KCNH7: variants seen among roughly 807,000 people sequenced by gnomAD.
KCNH7 encodes the protein voltage-gated inwardly rectifying potassium channel KCNH7.
KCNH7 carries 49 observed loss-of-function variants against 120.8 expected under a neutral mutation model. The observed-to-expected ratio is 0.41, with a 90% CI of 0.32 to 0.51. The LOEUF (loss-of-function observed/expected upper bound fraction) is 0.51. KCNH7 is among the 20% of genes least tolerant of loss of function. The probability of loss-of-function intolerance (pLI) is 0.38; values close to 1 mark genes in which losing one functional copy is unlikely to be tolerated. For synonymous variants in KCNH7, 547 were observed against 516.1 expected (o/e 1.06, Z -0.81); for missense variants, 1,097 against 1,446.6 (o/e 0.76, Z 3.92).
At chr2:162,760,038 A>T (rs1301373400) in intron 2 of KCNH7, among the ~76,000 whole-genome samples, 2 of 152,148 alleles carry the variant, frequency 1.3e-5, no homozygotes, top group Admixed American at 1.3e-4. Flanking sequence ...TAGTATTTTC[A>T]CTATGTTAAC....
intron 12 of KCNH7, among the ~76,000 whole-genome samples, chr2:162,392,293 CATGTGTGTGT>C (rs1353149455): frequency 6.6e-6 from 1 of 150,730 alleles, no homozygotes; most frequent in African/African-American, 2.4e-5. Context: ...TGTGTGTGCG[CATGTGTGTGT>C]ATGTGTGTGT....
chr2:162,498,649 T>TA (rs1202367177), intron 6 of KCNH7, among the ~76,000 whole-genome samples: 1 of 152,090 alleles, frequency 6.6e-6, no homozygotes, highest in African/African-American at 2.4e-5. Context: ...GTCAAGGGAC[T>TA]ATACTTTTTC....
Position 162,757,906 on chromosome 2 carries a change from G to A in KCNH7, c.307+78631C>T, listed in dbSNP as rs531354890. ...TCCAATTCATATGAGTCACTACCAT[G>A]CACAACTGAGATATATTCCTTATTC... On this transcript the variant is annotated intron_variant, in intron 2 of 15. Transcript: ENST00000332142. 2.6e-5 allele frequency among the ~76,000 whole-genome samples: 4 copies of A among 152,184 alleles called. No homozygotes were observed. In the South Asian group the frequency reaches 8.3e-4, roughly 32 times the overall value.
intron 2 of KCNH7, among the ~76,000 whole-genome samples, chr2:162,630,376 T>C (rs1189549716): frequency 1.3e-5 from 2 of 151,800 alleles, no homozygotes; most frequent in Non-Finnish European, 1.5e-5. Context: ...GGAAAAGATA[T>C]GGAGTTAGAT....
At chr2:162,723,663 T>C (rs1172358534) in intron 2 of KCNH7, among the ~76,000 whole-genome samples, 1 of 152,256 alleles carries the variant, frequency 6.6e-6, no homozygotes, top group Non-Finnish European at 1.5e-5. Context: ...TCAATCTTTA[T>C]ACTTCAGTTT....
intron 2 of KCNH7, among the ~76,000 whole-genome samples, chr2:162,567,495 G>A (rs1693296487): frequency 6.6e-6 from 1 of 151,876 alleles, no homozygotes; most frequent in Non-Finnish European, 1.5e-5. Flanking sequence ...TTTTCAATTT[G>A]CATTTTTCCC....
intron 2 of KCNH7, among the ~76,000 whole-genome samples, chr2:162,580,885 A>C (rs1380517330): frequency 1.3e-5 from 2 of 152,104 alleles, no homozygotes; most frequent in Non-Finnish European, 2.9e-5. Context: ...AGATAGAAAT[A>C]GTCCCCAGAT....
intron 2 of KCNH7, among the ~76,000 whole-genome samples, chr2:162,816,710 G>A (rs184920032): frequency 1.6e-3 from 239 of 152,284 alleles, no homozygotes; most frequent in Admixed American, 2.4e-3. Flanking sequence ...GTTTGTTTGA[G>A]ATGTTGCTAA....
rs977908493 is a variant in KCNH7, at chr2:162,762,583, A to C, written c.307+73954T>G. 8.5e-5 allele frequency among the ~76,000 whole-genome samples: 13 copies of C among 152,152 alleles called. 1 individual carries two copies. In the East Asian group the frequency reaches 2.3e-3, roughly 27 times the overall value. On this transcript the variant is annotated intron_variant, in intron 2 of 15. Coordinates refer to ENST00000332142, the MANE Select transcript of KCNH7 (RefSeq NM_033272.4). ...CCTCTCAACACTAGCAGCATTGTAC[A>C]CTTCACTCATTTAGAACTCAGTCTA...
At chr2:162,521,214 T>C (rs537875058) in intron 3 of KCNH7, among the ~76,000 whole-genome samples, 2 of 152,032 alleles carry the variant, frequency 1.3e-5, no homozygotes, top group South Asian at 4.1e-4. Flanking sequence ...TTACTTAGCA[T>C]TGAGTCCCAG....
intron 2 of KCNH7, among the ~76,000 whole-genome samples, chr2:162,700,097 G>A (rs938923378): frequency 3.3e-5 from 5 of 152,174 alleles, no homozygotes; most frequent in South Asian, 2.1e-4. Flanking sequence ...ACAAATCTTC[G>A]TGTATTTCCT....
At chr2:162,836,282 A>T (rs1685661372) in intron 2 of KCNH7, among the ~76,000 whole-genome samples, 1 of 152,184 alleles carries the variant, frequency 6.6e-6, no homozygotes, top group African/African-American at 2.4e-5. Flanking sequence ...TCTAAGACTG[A>T]TTTGTAGCAT....
chr2:162,392,432 T>A (rs897697517), intron 12 of KCNH7, among the ~76,000 whole-genome samples: 1 of 151,864 alleles, frequency 6.6e-6, no homozygotes, highest in Non-Finnish European at 1.5e-5. Flanking sequence ...ATAAAGCTAG[T>A]AGATGATCTC....
chr2:162,753,018 G>C (rs998960581), intron 2 of KCNH7, among the ~76,000 whole-genome samples: 4 of 143,330 alleles, frequency 2.8e-5, no homozygotes, highest in African/African-American at 5.3e-5. Context: ...GAAAAGAAAA[G>C]AAAAGAAAAG....
At chr2:162,754,137 T>C (rs960128349) in intron 2 of KCNH7, among the ~76,000 whole-genome samples, 1 of 151,972 alleles carries the variant, frequency 6.6e-6, no homozygotes, top group Non-Finnish European at 1.5e-5. Flanking sequence ...TTTCCCAGAG[T>C]GCATAATGCC....
At chr2:162,495,174 G>A (rs755860499) in intron 6 of KCNH7, among the ~76,000 whole-genome samples, 3 of 152,144 alleles carry the variant, frequency 2.0e-5, no homozygotes, top group Non-Finnish European at 4.4e-5. Context: ...GGAGAAACTG[G>A]TTGTTTTACC....
chr2:162,726,642 A>G (rs562796051), intron 2 of KCNH7, among the ~76,000 whole-genome samples: 1 of 151,190 alleles, frequency 6.6e-6, no homozygotes, highest in Admixed American at 6.6e-5. Context: ...CTGGTCTTGA[A>G]CTCCTAACCT....
chr2:162,736,672 A>C (rs1421761334), intron 2 of KCNH7, among the ~76,000 whole-genome samples: 1 of 152,142 alleles, frequency 6.6e-6, no homozygotes, highest in African/African-American at 2.4e-5. Flanking sequence ...AAGTCACAAA[A>C]GGACAAATGG....
intron 2 of KCNH7, among the ~76,000 whole-genome samples, chr2:162,781,096 T>C (rs1263697020): frequency 6.6e-6 from 1 of 152,076 alleles, no homozygotes; most frequent in Non-Finnish European, 1.5e-5. Context: ...ATTATATTTC[T>C]GAGGAAACTG....
Sources: gnomAD v4.1 joint callset for allele counts (sites outside exome capture counted in the v4.1 genomes callset) on GRCh38, gnomAD v4.1.1 for gene constraint, MANE v1.5 for transcripts, NCBI Gene and HGNC (gene_info 2026-07-23, HGNC 2026-07-21) for gene names.